Variants in CEP126 observed in about 807,000 individuals in gnomAD.
CEP126 encodes the protein centrosomal protein 126.
In CEP126, 74 loss-of-function variants were observed where a neutral mutation model predicts 107.8. That is an observed-to-expected ratio of 0.69 (90% confidence interval 0.57 to 0.83). CEP126 has a LOEUF of 0.83. Ranked by LOEUF, CEP126 falls within the 40% of genes least tolerant of loss-of-function variation. The pLI is 0.00. For missense variants in CEP126, 1,237 were observed against 1,281.9 expected (o/e 0.96, Z 0.53); for synonymous variants, 449 against 446.0 (o/e 1.01, Z -0.08).
chr11:101,923,112 TG>T (rs759007361), intron 2 of CEP126, among the ~76,000 whole-genome samples: 1 of 152,214 alleles, frequency 6.6e-6, no homozygotes, highest in Non-Finnish European at 1.5e-5. Flanking sequence ...TTTAGTCTTT[TG>T]GTATATAGTT....
intron 6 of CEP126, among the ~76,000 whole-genome samples, chr11:101,974,865 A>G (rs1565366066): frequency 6.6e-6 from 1 of 152,224 alleles, no homozygotes; most frequent in Non-Finnish European, 1.5e-5. Context: ...ACTGCGATCA[A>G]TAATCTACAA....
intron 10 of CEP126, among the ~76,000 whole-genome samples, chr11:101,993,803 T>C (rs1322376239): frequency 1.3e-5 from 2 of 152,228 alleles, no homozygotes; most frequent in Non-Finnish European, 2.9e-5. Context: ...TTCAAATGAT[T>C]AGTGATGTTG....
chr11:101,956,285 C>G (rs958561768), intron 4 of CEP126: 1 of 456,408 alleles, frequency 2.2e-6, no homozygotes, highest in Non-Finnish European at 4.4e-6. Flanking sequence ...TTCCCCAACC[C>G]CTTTGGAACC....
chr11:101,978,987 C>T (rs757505443), intron 7 of CEP126, among the ~76,000 whole-genome samples: 6 of 151,494 alleles, frequency 4.0e-5, no homozygotes, highest in Non-Finnish European at 8.8e-5. Context: ...AAAAAATTAG[C>T]CAGGGGTGGT....
Position 102,000,996 on chromosome 11 carries a change from T to C in CEP126, c.*3353T>C, listed in dbSNP as rs1323295369. On this transcript the variant is annotated 3_prime_UTR_variant, in exon 11 of 11. Transcript: ENST00000263468. ...TGTATGTATTTTGATAGATATTACA[T>C]GGACTAAATTTTGTCAATTTCATGT... 1 of 152,240 alleles carries C rather than the reference T, an allele frequency of 6.6e-6. No homozygotes were observed. Among genetic ancestry groups the C allele is most frequent in the East Asian group, 1.9e-4 (1 of 5,204 alleles). The allele number at this position is 152,240 out of a possible 1,614,324, so 9.4% of individuals were successfully genotyped here.
At chr11:101,927,357 T>C (rs1369189166) in intron 2 of CEP126, among the ~76,000 whole-genome samples, 1 of 152,150 alleles carries the variant, frequency 6.6e-6, no homozygotes, top group African/African-American at 2.4e-5. Context: ...TTTGAGGTAA[T>C]TGTAGATTCA....
Position 101,930,051 on chromosome 11 carries a change from C to T in CEP126, c.248+7291C>T, listed in dbSNP as rs571566666. ...TTTTCTGCTCCAAGTCTGGGATATA[C>T]GAAACAAAAAGAAAACCCAGAGAAC... On this transcript the variant is annotated intron_variant, in intron 2 of 10. Coordinates refer to ENST00000263468, the MANE Select transcript of CEP126 (RefSeq NM_020802.4). 7.6e-5 allele frequency among the ~76,000 whole-genome samples: 11 copies of T among 145,516 alleles called. 1 individual carries two copies. The Admixed American group carries it at 7.7e-4, about 10-fold the overall frequency.
intron 9 of CEP126, among the ~76,000 whole-genome samples, chr11:101,988,763 C>T (rs554711923): frequency 7.2e-6 from 1 of 138,320 alleles, no homozygotes; most frequent in Non-Finnish European, 1.6e-5. Context: ...TTGTTAACAG[C>T]AAATATATGT....
chr11:101,982,075 A>C, intron 8 of CEP126, 111 bp downstream of exon 8: 2 of 613,060 alleles, frequency 3.3e-6, no homozygotes, highest in Non-Finnish European at 5.7e-6. Flanking sequence ...GCACCATTTA[A>C]AACCTGAACT....
At chr11:101,938,634 G>A (rs78795204) in intron 2 of CEP126, among the ~76,000 whole-genome samples, 8,483 of 151,872 alleles carry the variant, frequency 0.056, 461 homozygotes, top group East Asian at 0.26. Context: ...GATTTCTTGA[G>A]GCCAGGAGTC....
At position 101,963,095 on chromosome 11, in the gene CEP126, A is replaced by G; in HGVS notation, c.2060A>G (p.Lys687Arg). 1.2e-6 allele frequency: 2 copies of G among 1,614,160 alleles called. No individual in the cohort carries two copies. The highest frequency in any genetic ancestry group is 8.5e-7 in the Non-Finnish European group (1 of 1,180,002). The change falls in exon 6 of 11, where the codon AAG becomes AGG. Residue 687 changes from lysine to arginine, a missense_variant. Coordinates refer to ENST00000263468, the MANE Select transcript of CEP126 (RefSeq NM_020802.4). ...TGTGCTGTAAATTCTGCTGATACAA[A>G]GAAGTCCAGGGAGGATTCTATCTCT... ...STCAVNSADT[K>R]KSREDSISEN... is the part of the protein sequence containing the mutation.
chr11:101,919,312 G>A (rs1261404799), intron 1 of CEP126, among the ~76,000 whole-genome samples: 2 of 152,184 alleles, frequency 1.3e-5, no homozygotes, highest in Non-Finnish European at 2.9e-5. Flanking sequence ...ATAGTTATTT[G>A]TGATGGCAAC....
intron 10 of CEP126, among the ~76,000 whole-genome samples, chr11:101,996,051 C>T (rs1941437610): frequency 6.6e-6 from 1 of 152,200 alleles, no homozygotes; most frequent in South Asian, 2.1e-4. Context: ...CATGGTTAGT[C>T]AGTGATGGAC....
At position 101,962,815 on chromosome 11, in the gene CEP126, A is replaced by G. The variant is rs200452821; in HGVS notation, c.1780A>G (p.Ile594Val). ...KYEHGYLKAL[I>V]INQSFKFGNQ... The stretch of plus-strand genomic sequence containing the variant: ...TGAACATGGTTATCTTAAGGCATTA[A>G]TTATAAATCAGAGCTTTAAGTTTGG... The change falls in exon 6 of 11, where the codon ATT becomes GTT. Residue 594 changes from isoleucine (I) to valine (V), a missense_variant. By Grantham distance (29) the Ile-to-Val change is conservative (BLOSUM62 3). Transcript: ENST00000263468. 2 of 1,601,068 alleles carry G rather than the reference A, an allele frequency of 1.2e-6. No homozygotes were observed. Among genetic ancestry groups the G allele is most frequent in the African/African-American group, 2.7e-5 (2 of 73,916 alleles).
chr11:101,920,008 C>T (rs1343915812), intron 1 of CEP126, among the ~76,000 whole-genome samples: 1 of 152,140 alleles, frequency 6.6e-6, no homozygotes, highest in Non-Finnish European at 1.5e-5. Context: ...AGCAAAGAAC[C>T]AAATTTTCTT....
At chr11:101,981,702 C>T (rs886681208) in intron 7 of CEP126, among the ~76,000 whole-genome samples, 187 bp from the exon 8 acceptor site, 8 of 152,006 alleles carry the variant, frequency 5.3e-5, no homozygotes, top group African/African-American at 1.9e-4. Context: ...TCATAATATT[C>T]CATTACCATA....
In CEP126 at chr11:101,962,994, A is replaced by C; in HGVS notation, c.1959A>C (p.Thr653=). 2 of 1,613,534 alleles carry C rather than the reference A, an allele frequency of 1.2e-6. No homozygotes were observed. The highest frequency in any genetic ancestry group is 1.7e-6 in the Non-Finnish European group (2 of 1,179,862). Residue 653 remains threonine (T), a synonymous_variant, in exon 6 of 11, where the codon ACA becomes ACC. Coordinates refer to ENST00000263468, the MANE Select transcript of CEP126 (RefSeq NM_020802.4). ...AENSHSLKNK[T]GTTQQHSQQF... ...ACAGTCATTCACTGAAGAATAAAAC[A>C]GGAACAACTCAACAGCATTCTCAAC... is the stretch of plus-strand genomic sequence containing the variant.
chr11:101,957,114 T>G (rs944849259), intron 4 of CEP126, among the ~76,000 whole-genome samples: 12 of 152,182 alleles, frequency 7.9e-5, no homozygotes, highest in African/African-American at 2.9e-4. Flanking sequence ...TCTCCCTGAT[T>G]AAATGTGTGA....
At chr11:101,918,878 G>A (rs1425110732) in intron 1 of CEP126, among the ~76,000 whole-genome samples, 1 of 152,164 alleles carries the variant, frequency 6.6e-6, no homozygotes, top group Non-Finnish European at 1.5e-5. Context: ...GAAAGGATGA[G>A]TAGAGTTAGC....
Sources: allele counts gnomAD v4.1 joint callset (sites outside exome capture counted in the v4.1 genomes callset), GRCh38; gene constraint gnomAD v4.1.1; transcripts MANE v1.5; gene names NCBI Gene and HGNC (gene_info 2026-07-23, HGNC 2026-07-21).